The following DLGAP2 variants were observed in gnomAD, a reference collection of about 807,000 sequenced individuals.
DLGAP2 encodes the protein disks large-associated protein 2.
A neutral mutation model predicts 100.3 loss-of-function variants in DLGAP2; 26 were observed. The ratio of observed to expected loss-of-function variants is 0.26; its 90% CI spans 0.19 to 0.36. DLGAP2 has a LOEUF of 0.36. Ranked by LOEUF, DLGAP2 falls within the 10% of genes least tolerant of loss-of-function variation. The pLI, the probability that DLGAP2 is intolerant of heterozygous loss-of-function variation, is 1.00. For synonymous variants in DLGAP2, 886 were observed against 630.1 expected (o/e 1.41, Z -6.08); for missense variants, 1,858 against 1,453.2 (o/e 1.28, Z -4.53).
chr8:908,332 A>G (rs1185781172), intron 2 of DLGAP2, among the ~76,000 whole-genome samples: 1 of 152,208 alleles, frequency 6.6e-6, no homozygotes, highest in Non-Finnish European at 1.5e-5. Context: ...CTTATTGGCT[A>G]GAGAGAAATG....
chr8:840,745 G>A (rs551865687), intron 1 of DLGAP2, among the ~76,000 whole-genome samples: 22 of 141,674 alleles, frequency 1.6e-4, no homozygotes, highest in Admixed American at 4.3e-4. Flanking sequence ...ACGCCTGCAC[G>A]TTTCCCCACA....
At chr8:1,289,926 C>T (rs1313474047) in intron 3 of DLGAP2, among the ~76,000 whole-genome samples, 1 of 152,170 alleles carries the variant, frequency 6.6e-6, no homozygotes, top group South Asian at 2.1e-4. Flanking sequence ...TCTTGACCAT[C>T]TATTGATACT....
chr8:1,441,200 T>C (rs1797819948), intron 3 of DLGAP2, among the ~76,000 whole-genome samples: 1 of 152,230 alleles, frequency 6.6e-6, no homozygotes, highest in Non-Finnish European at 1.5e-5. Context: ...TGTTAATCTT[T>C]TCATTAAAAT....
chr8:1,367,261 A>G (rs1017366083), intron 3 of DLGAP2, among the ~76,000 whole-genome samples: 7 of 152,256 alleles, frequency 4.6e-5, no homozygotes, highest in African/African-American at 1.7e-4. Context: ...CATAGGTGAC[A>G]TAACACAGAA....
At chr8:953,699 G>A (rs1034818020) in intron 2 of DLGAP2, among the ~76,000 whole-genome samples, 1 of 152,134 alleles carries the variant, frequency 6.6e-6, no homozygotes, top group African/African-American at 2.4e-5. Context: ...AAAGTGCCGA[G>A]TGGAGCTGAC....
intron 2 of DLGAP2, among the ~76,000 whole-genome samples, chr8:1,194,612 G>C (rs1484405794): frequency 1.3e-5 from 2 of 152,212 alleles, no homozygotes; most frequent in Non-Finnish European, 1.5e-5. Flanking sequence ...CAGCAGGGAA[G>C]ATTCTGGAAG....
At chr8:1,077,218 C>T (rs2129038647) in intron 2 of DLGAP2, among the ~76,000 whole-genome samples, 1 of 152,318 alleles carries the variant, frequency 6.6e-6, no homozygotes, top group South Asian at 2.1e-4. Flanking sequence ...GGGGCAGGAT[C>T]CTCCACTCCA....
chr8:1,704,681 T>G lies in DLGAP2; in HGVS notation c.*3275T>G, dbSNP rs1799659031. 6.6e-6 allele frequency: 1 copy of G among 152,078 alleles called. No homozygotes were observed. The highest frequency in any genetic ancestry group is 6.5e-5 in the Admixed American group (1 of 15,270). The allele number at this position is 152,078 out of a possible 1,614,324, so 9.4% of individuals were successfully genotyped here. A position where few individuals can be genotyped will look rare whatever the true frequency, so the allele number is the denominator to read the frequency against. ...AAAAGGAAATGTTGATGTTTTCAAC[T>G]CCAAATCAATTCTAAAAACTTCAAG... On this transcript the variant is annotated 3_prime_UTR_variant, in exon 15 of 15. Coordinates refer to ENST00000637795, the MANE Select transcript of DLGAP2 (RefSeq NM_001346810.2).
In DLGAP2 at chr8:1,702,515, C is replaced by A. The variant is rs137972323; in HGVS notation, c.*1109C>A. ...TTTACATTTGTATTTTTCCAGAATT[C>A]TTTTGTCCTATGCAGTATTGCTAAA... On this transcript the variant is annotated 3_prime_UTR_variant, in exon 15 of 15. Coordinates refer to ENST00000637795, the MANE Select transcript of DLGAP2 (RefSeq NM_001346810.2). 48 of 152,608 alleles carry A rather than the reference C, an allele frequency of 3.1e-4. No individual in the cohort carries two copies. Among genetic ancestry groups the A allele is most frequent in the African/African-American group, 1.1e-3 (45 of 41,540 alleles). The allele number at this position is 152,608 out of a possible 1,614,324, so 9.5% of individuals were successfully genotyped here.
intron 2 of DLGAP2, among the ~76,000 whole-genome samples, chr8:1,191,174 T>G (rs967496314): frequency 2.3e-5 from 1 of 44,112 alleles, no homozygotes; most frequent in East Asian, 3.2e-4. Context: ...AGTAGATACA[T>G]TTTTTTTTTT....
At chr8:892,611 T>G (rs1175803982) in intron 1 of DLGAP2, among the ~76,000 whole-genome samples, 1 of 152,094 alleles carries the variant, frequency 6.6e-6, no homozygotes, top group African/African-American at 2.4e-5. Flanking sequence ...AATGGAGGGT[T>G]TAGCTGCGTG....
intron 3 of DLGAP2, among the ~76,000 whole-genome samples, chr8:1,449,716 A>G (rs569243937): frequency 6.6e-6 from 1 of 152,182 alleles, no homozygotes; most frequent in Non-Finnish European, 1.5e-5. Context: ...ACCAGCTGCC[A>G]GGACAAGCCT....
chr8:840,571 G>A (rs1234002345), intron 1 of DLGAP2, among the ~76,000 whole-genome samples: 2 of 81,154 alleles, frequency 2.5e-5, no homozygotes, highest in Non-Finnish European at 5.5e-5. Flanking sequence ...GCGTCCACAC[G>A]GTGCACGCCT....
intron 2 of DLGAP2, among the ~76,000 whole-genome samples, chr8:950,735 C>T (rs1404584536): frequency 4.0e-5 from 6 of 151,446 alleles, no homozygotes; most frequent in Admixed American, 1.3e-4. Flanking sequence ...ATTTCTCCTG[C>T]CTCAGCCTCC....
intron 3 of DLGAP2, among the ~76,000 whole-genome samples, chr8:1,316,158 G>A (rs1585252081): frequency 8.1e-6 from 1 of 123,162 alleles, no homozygotes; most frequent in Non-Finnish European, 1.7e-5. Flanking sequence ...CCCCAACAGT[G>A]GTCTACACTC....
chr8:1,474,401 G>C (rs1039256397), intron 3 of DLGAP2, among the ~76,000 whole-genome samples: 1 of 152,150 alleles, frequency 6.6e-6, no homozygotes, highest in African/African-American at 2.4e-5. Flanking sequence ...ACTCAGGAGT[G>C]GGGTTGCTGG....
chr8:1,430,556 T>C (rs1262480393), intron 3 of DLGAP2, among the ~76,000 whole-genome samples: 2 of 152,194 alleles, frequency 1.3e-5, no homozygotes, highest in African/African-American at 2.4e-5. Flanking sequence ...ACAAACCCCA[T>C]TGCTTCTGGG....
At chr8:1,089,582 C>G (rs747668255) in intron 2 of DLGAP2, among the ~76,000 whole-genome samples, 1 of 152,200 alleles carries the variant, frequency 6.6e-6, no homozygotes, top group African/African-American at 2.4e-5. Flanking sequence ...GCACTGAGGC[C>G]CACTGCTCAG....
intron 3 of DLGAP2, among the ~76,000 whole-genome samples, chr8:1,365,822 C>A (rs1308427652): frequency 6.6e-6 from 1 of 152,212 alleles, no homozygotes; most frequent in Non-Finnish European, 1.5e-5. Flanking sequence ...CATGTCGGGG[C>A]CCTGGGGGGC....
Sources: gnomAD v4.1 joint callset for allele counts (sites outside exome capture counted in the v4.1 genomes callset) on GRCh38, gnomAD v4.1.1 for gene constraint, MANE v1.5 for transcripts, NCBI Gene and HGNC (gene_info 2026-07-23, HGNC 2026-07-21) for gene names.